LRRC7: variants seen among roughly 807,000 people sequenced by gnomAD.
The protein encoded by LRRC7 is leucine-rich repeat-containing protein 7.
Under a neutral mutation model 175.7 loss-of-function variants are expected in LRRC7, and 23 were observed. The observed-to-expected ratio is 0.13, with a 90% CI of 0.09 to 0.19. LRRC7 has a LOEUF of 0.19. LRRC7 is among the 10% of genes least tolerant of loss of function. LRRC7 has a pLI of 1.00. For synonymous variants in LRRC7, 685 were observed against 680.9 expected (o/e 1.01, Z -0.09); for missense variants, 1,354 against 1,904.7 (o/e 0.71, Z 5.38).
At chr1:69,650,280 C>G (rs953550830) in intron 1 of LRRC7, among the ~76,000 whole-genome samples, 1 of 151,912 alleles carries the variant, frequency 6.6e-6, no homozygotes, top group African/African-American at 2.4e-5. Flanking sequence ...GTGGCTCACG[C>G]CTGTAATCCC....
intron 17 of LRRC7, among the ~76,000 whole-genome samples, 168 bp downstream of exon 17, chr1:70,023,542 G>A (rs1396864321): frequency 6.6e-6 from 1 of 152,046 alleles, no homozygotes; most frequent in African/African-American, 2.4e-5. Flanking sequence ...ATTGACATTG[G>A]CAATGGGGTG....
At chr1:70,021,831 C>G (rs1305891232) in intron 16 of LRRC7, among the ~76,000 whole-genome samples, 1 of 152,148 alleles carries the variant, frequency 6.6e-6, no homozygotes, top group Non-Finnish European at 1.5e-5. Context: ...TAGATTTTCT[C>G]AACATCACAT....
intron 7 of LRRC7, among the ~76,000 whole-genome samples, chr1:69,925,443 G>A (rs1031110009): frequency 1.3e-5 from 2 of 152,108 alleles, no homozygotes; most frequent in African/African-American, 2.4e-5. Context: ...ACTCTTTTTG[G>A]TTGGTAAGCT....
In LRRC7 at chr1:69,979,131, T is replaced by A. The variant is rs148952072; in HGVS notation, c.712-1248T>A. On this transcript the variant is annotated intron_variant, in intron 8 of 26. Transcript: ENST00000651989. Reference sequence around the variant, plus strand: ...TTCCCCAGAAGTCACAAAGATTCACTGCTTTGTATGTGTTCTGAATGGGCC... The same window carrying A: ...TTCCCCAGAAGTCACAAAGATTCACAGCTTTGTATGTGTTCTGAATGGGCC... Among the ~76,000 whole-genome samples the A allele has an allele frequency of 2.9e-3, 438 of 152,292 alleles. 1 individual carries two copies. Among genetic ancestry groups the A allele is most frequent in the African/African-American group, 9.6e-3 (398 of 41,570 alleles).
chr1:69,902,144 T>C (rs1265808569), intron 7 of LRRC7, among the ~76,000 whole-genome samples: 2 of 152,184 alleles, frequency 1.3e-5, no homozygotes, highest in African/African-American at 4.8e-5. Context: ...CTCCATTAGG[T>C]TGTGAGGACC....
intron 1 of LRRC7, among the ~76,000 whole-genome samples, chr1:69,582,163 T>C (rs1473716743): frequency 6.6e-6 from 1 of 152,240 alleles, no homozygotes; most frequent in Admixed American, 6.5e-5. Flanking sequence ...GAGAATCCTT[T>C]GCTCATGGAT....
At chr1:69,817,556 A>G (rs970029688) in intron 4 of LRRC7, among the ~76,000 whole-genome samples, 4 of 152,082 alleles carry the variant, frequency 2.6e-5, no homozygotes, top group Admixed American at 2.0e-4. Flanking sequence ...TTTGAAATGA[A>G]GAAAGGTGAG....
chr1:69,752,288 G>GTCA (rs1328274777), intron 2 of LRRC7, among the ~76,000 whole-genome samples: 5 of 152,120 alleles, frequency 3.3e-5, no homozygotes, highest in African/African-American at 1.2e-4. Context: ...CAATGAATAA[G>GTCA]TCAGATACAT....
intron 23 of LRRC7, among the ~76,000 whole-genome samples, chr1:70,055,049 C>T (rs897248378): frequency 6.6e-5 from 10 of 152,020 alleles, no homozygotes; most frequent in African/African-American, 2.2e-4. Context: ...TTTATTTTAT[C>T]CAAAATATTT....
intron 18 of LRRC7, among the ~76,000 whole-genome samples, chr1:70,031,675 C>T (rs1658734100): frequency 6.6e-6 from 1 of 152,176 alleles, no homozygotes; most frequent in Non-Finnish European, 1.5e-5. Context: ...TATCTTCTCA[C>T]AGCTAGGAAT....
At chr1:69,647,613 A>T (rs1436558432) in intron 1 of LRRC7, among the ~76,000 whole-genome samples, 1 of 152,044 alleles carries the variant, frequency 6.6e-6, no homozygotes, top group Non-Finnish European at 1.5e-5. Flanking sequence ...TCTAAAGCCT[A>T]TAGGCCCCTT....
At chr1:69,644,701 T>C (rs1463787773) in intron 1 of LRRC7, among the ~76,000 whole-genome samples, 1 of 151,926 alleles carries the variant, frequency 6.6e-6, no homozygotes, top group Non-Finnish European at 1.5e-5. Context: ...CAAAACCTGG[T>C]ATCAAGTTTT....
intron 7 of LRRC7, among the ~76,000 whole-genome samples, chr1:69,881,445 A>C (rs1686588709): frequency 6.6e-6 from 1 of 152,244 alleles, no homozygotes; most frequent in Non-Finnish European, 1.5e-5. Context: ...TGAAATTGTT[A>C]GCATCATTCA....
At chr1:69,678,887 T>TA (rs1660136588) in intron 2 of LRRC7, among the ~76,000 whole-genome samples, 1 of 152,126 alleles carries the variant, frequency 6.6e-6, no homozygotes, top group African/African-American at 2.4e-5. Flanking sequence ...ACATTTTTTT[T>TA]AACTGAGAAC....
rs1557463083 is a variant in LRRC7 at position 69,600,796 on chromosome 1, G to GTTCTTTTTTTTTTTTTTTTTTTTTTT, written c.2+32157_2+32158insCTTTTTTTTTTTTTTTTTTTTTTTTT. 7.6e-5 allele frequency among the ~76,000 whole-genome samples: 2 copies of GTTCTTTTTTTTTTTTTTTTTTTTTTT among 26,360 alleles called. 1 individual carries two copies. The highest frequency in any genetic ancestry group is 3.7e-4 in the African/African-American group (2 of 5,462). The allele number at this position is 26,360 out of a possible 152,430, so 17.3% of individuals were successfully genotyped here. A position where few individuals can be genotyped will look rare whatever the true frequency, so the allele number is the denominator to read the frequency against. ...TTAGCCATTTCTCCAAGGATCTCTG[G>GTTCTTTTTTTTTTTTTTTTTTTTTTT]TTTCTTTTTTTTTTTTTTTTTTTTT... On this transcript the variant is annotated intron_variant, in intron 1 of 26. Transcript: ENST00000651989.
chr1:69,604,985 A>T (rs1477893227), intron 1 of LRRC7, among the ~76,000 whole-genome samples: 1 of 152,202 alleles, frequency 6.6e-6, no homozygotes, highest in Non-Finnish European at 1.5e-5. Context: ...ATTGAACATC[A>T]GAGTGATTGA....
chr1:69,580,332 A>G (rs1646143993), intron 1 of LRRC7, among the ~76,000 whole-genome samples: 1 of 152,186 alleles, frequency 6.6e-6, no homozygotes, highest in African/African-American at 2.4e-5. Flanking sequence ...GGTTAAAAAT[A>G]TAATTTTTAA....
At chr1:69,716,128 CTT>C in intron 2 of LRRC7, 1 of 412,680 alleles carries the variant, frequency 2.4e-6, no homozygotes, top group Non-Finnish European at 4.5e-6. Flanking sequence ...TTTAAATTTT[CTT>C]TTTTTTTAAA....
intron 7 of LRRC7, among the ~76,000 whole-genome samples, chr1:69,878,308 T>C (rs890031051): frequency 2.0e-5 from 3 of 148,526 alleles, no homozygotes; most frequent in Non-Finnish European, 4.5e-5. Flanking sequence ...TGCTCTTAAA[T>C]AGTGACAGAC....
Sources: gnomAD v4.1 joint callset for allele counts (sites outside exome capture counted in the v4.1 genomes callset) on GRCh38, gnomAD v4.1.1 for gene constraint, MANE v1.5 for transcripts, NCBI Gene and HGNC (gene_info 2026-07-23, HGNC 2026-07-21) for gene names.